Variants in FAN1 observed in about 807,000 individuals in gnomAD.
FAN1 encodes FANCD2 and FANCI associated nuclease 1.
FAN1 carries 91 observed loss-of-function variants against 104.9 expected under a neutral mutation model. The observed-to-expected ratio is 0.87, with a 90% CI of 0.73 to 1.03. The LOEUF (loss-of-function observed/expected upper bound fraction) is 1.03. FAN1 is among the 50% of genes least tolerant of loss of function. The pLI is 0.00. For missense variants in FAN1, 1,263 were observed against 1,239.9 expected, an observed-to-expected ratio of 1.02 and a Z score of -0.28; for synonymous variants, 478 against 457.6, an observed-to-expected ratio of 1.04 and a Z score of -0.57.
chr15:30,910,405 A>G (rs1416882785), intron 3 of FAN1, among the ~76,000 whole-genome samples: 1 of 152,188 alleles, frequency 6.6e-6, no homozygotes, highest in Admixed American at 6.5e-5. Context: ...TTAGTGAGAA[A>G]TTCTATTATT....
rs750263961 is a variant in FAN1, at chr15:30,905,619, C to G, written c.956C>G (p.Ser319Ter). The change falls in exon 2 of 15, where the codon TCA becomes TGA. Residue 319 changes from serine to a stop codon, truncating the protein, a stop_gained. Transcript: ENST00000362065. LOFTEE classifies it high-confidence loss of function. ...GAAGCTAAAATACAGCTGTCAGATT[C>G]AGAGGCAAAATCTCATAGTTCTGCA... is the stretch of plus-strand genomic sequence containing the variant. ...ASEAKIQLSD[S>*]EAKSHSSADD... 1.2e-6 allele frequency: 2 copies of G among 1,614,062 alleles called. No homozygotes were observed. The highest frequency in any genetic ancestry group is 1.1e-5 in the South Asian group (1 of 91,082).
intron 14 of FAN1, among the ~76,000 whole-genome samples, chr15:30,938,290 A>G (rs867187694): frequency 3.3e-5 from 5 of 152,170 alleles, no homozygotes; most frequent in South Asian, 2.1e-4. Context: ...TGCCCTATAC[A>G]CATTTAGCTG....
chr15:30,904,432 T>A (rs1176503189), intron 1 of FAN1, 80 bp from the exon 2 acceptor site: 1 of 610,546 alleles, frequency 1.6e-6, no homozygotes, highest in Non-Finnish European at 2.9e-6. Context: ...GAGACCTTGC[T>A]CTTAAACGTT....
chr15:30,934,861 G>A (rs776682584), intron 13 of FAN1, among the ~76,000 whole-genome samples: 4 of 152,200 alleles, frequency 2.6e-5, no homozygotes, highest in Admixed American at 1.3e-4. Context: ...AGCCTTTGTG[G>A]TGTTTTCATA....
intron 4 of FAN1, 132 bp from the exon 5 acceptor site, chr15:30,913,726 C>T (rs2062144122): frequency 3.1e-6 from 2 of 636,676 alleles, no homozygotes; most frequent in Admixed American, 5.9e-5. Flanking sequence ...AGCCCCAGAG[C>T]AGTTAAGTAA....
chr15:30,936,732 T>C (rs2062864762), intron 13 of FAN1, among the ~76,000 whole-genome samples: 1 of 152,220 alleles, frequency 6.6e-6, no homozygotes, highest in East Asian at 1.9e-4. Flanking sequence ...TTAAATGTGC[T>C]CAGAATGTGT....
At chr15:30,914,287 A>G (rs2062157538) in intron 5 of FAN1, among the ~76,000 whole-genome samples, 196 bp downstream of exon 5, 1 of 149,868 alleles carries the variant, frequency 6.7e-6, no homozygotes. Flanking sequence ...TATGGTTGCC[A>G]AAATCCAAGG....
chr15:30,905,061 A>ATT lies in FAN1; in HGVS notation c.399_400insTT (p.Val134LeufsTer10). ...ATCAGTCCCTACTTTAAAAGTAATG[A>ATT]TGTGGTGTGCAAAAATCAAGATGAG... is the stretch of plus-strand genomic sequence containing the variant. On this transcript the variant is annotated frameshift_variant, in exon 2 of 15. Coordinates refer to ENST00000362065, the MANE Select transcript of FAN1 (RefSeq NM_014967.5). LOFTEE classifies it high-confidence loss of function. 6.2e-7 allele frequency: 1 copy of ATT among 1,614,048 alleles called. No homozygotes were observed.
chr15:30,940,386 G>A (rs562710608), intron 14 of FAN1: 6 of 985,390 alleles, frequency 6.1e-6, no homozygotes, highest in African/African-American at 1.7e-5. Flanking sequence ...CTATTCAAAT[G>A]GCAGTGTTTT....
At chr15:30,924,332 T>A (rs1404761637) in intron 8 of FAN1, among the ~76,000 whole-genome samples, 2 of 152,214 alleles carry the variant, frequency 1.3e-5, no homozygotes, top group Non-Finnish European at 2.9e-5. Flanking sequence ...CTGGTTTCAA[T>A]TCTTTTGGGA....
chr15:30,926,657 G>C lies in FAN1; in HGVS notation c.2488+718G>C, dbSNP rs939812053. 1.3e-5 allele frequency: 13 copies of C among 985,318 alleles called. No homozygotes were observed. In the Admixed American group the frequency reaches 1.8e-4, roughly 14 times the overall value. 61.0% of individuals were successfully genotyped at this position (985,318 alleles called of 1,614,324 possible). A position where few individuals can be genotyped will look rare whatever the true frequency, so the allele number is the denominator to read the frequency against. ...ACGTGCAAATGCCAGTGAAGACAGA[G>C]AGATACAGTAGGCCTGAAATGGTTA... On this transcript the variant is annotated intron_variant, in intron 10 of 14. Transcript: ENST00000362065.
intron 13 of FAN1, among the ~76,000 whole-genome samples, chr15:30,934,071 T>C (rs1254807767): frequency 6.6e-6 from 1 of 152,160 alleles, no homozygotes; most frequent in Admixed American, 6.5e-5. Context: ...TTTCTATCAC[T>C]ATTTGCTTCA....
rs201434702 is a variant in FAN1, at chr15:30,941,469, T to A, written c.*4-97T>A. 2.6e-3 allele frequency: 4,095 copies of A among 1,601,202 alleles called. 7 individuals are homozygous for A. Among genetic ancestry groups the A allele is most frequent in the Non-Finnish European group, 3.2e-3 (3,769 of 1,173,304 alleles). ...TCAAAATGTTCAGAAAACACCCTAT[T>A]TTAGTCTTCATTTGCTAATGTCTCA... is the stretch of plus-strand genomic sequence containing the variant. On this transcript the variant is annotated intron_variant, in intron 14 of 14. Coordinates refer to ENST00000362065, the MANE Select transcript of FAN1 (RefSeq NM_014967.5).
intron 2 of FAN1, chr15:30,906,275 T>G (rs2061976670): frequency 4.4e-6 from 2 of 455,456 alleles, no homozygotes; most frequent in Non-Finnish European, 8.7e-6. Flanking sequence ...TTAGGTTGTT[T>G]TGTTGTTCCT....
intron 4 of FAN1, 114 bp downstream of exon 4, chr15:30,910,929 A>C (rs1370571789): frequency 7.1e-7 from 1 of 1,401,134 alleles, no homozygotes; most frequent in Admixed American, 3.0e-5. Flanking sequence ...TTGTAGTTAG[A>C]TTGAGAAGGC....
In FAN1 at chr15:30,941,906, T is replaced by C; in HGVS notation, c.*344T>C. 6.2e-7 allele frequency: 1 copy of C among 1,614,014 alleles called. No homozygotes were observed. The highest frequency in any genetic ancestry group is 8.5e-7 in the Non-Finnish European group (1 of 1,179,898). On this transcript the variant is annotated 3_prime_UTR_variant, in exon 15 of 15. Transcript: ENST00000362065. ...CAGGTTGGCGGGTTTGGAAAACCAT[T>C]CTCTAAAATACTGCTCCGTATCACT...
In FAN1 at chr15:30,914,867, G is replaced by A. The variant is rs1480637563; in HGVS notation, c.1811+776G>A. 3.9e-5 allele frequency among the ~76,000 whole-genome samples: 6 copies of A among 152,204 alleles called. No homozygotes were observed. The East Asian group carries it at 5.8e-4, about 15-fold the overall frequency. ...TTTTCACTAATTTATATTGGCACAC[G>A]GATTTAGTGAAAATTTGGTTTGTCC... is the stretch of plus-strand genomic sequence containing the variant. On this transcript the variant is annotated intron_variant, in intron 5 of 14. Transcript: ENST00000362065.
intron 6 of FAN1, 65 bp downstream of exon 6, chr15:30,918,360 G>T (rs755148866): frequency 6.6e-6 from 10 of 1,524,330 alleles, no homozygotes; most frequent in African/African-American, 1.4e-5. Context: ...AACACTTACA[G>T]TAATTTTCTT....
At chr15:30,934,581 A>G (rs1050519716) in intron 13 of FAN1, among the ~76,000 whole-genome samples, 1 of 152,156 alleles carries the variant, frequency 6.6e-6, no homozygotes, top group Non-Finnish European at 1.5e-5. Flanking sequence ...GGGTTCCACC[A>G]TGTTGCCCAG....
Sources: gnomAD v4.1 joint callset for allele counts (sites outside exome capture counted in the v4.1 genomes callset) on GRCh38, gnomAD v4.1.1 for gene constraint, MANE v1.5 for transcripts, NCBI Gene and HGNC (gene_info 2026-07-23, HGNC 2026-07-21) for gene names.